Variants in TOPORS observed in about 807,000 individuals in gnomAD.
TOPORS encodes the protein E3 ubiquitin-protein ligase Topors.
TOPORS carries 25 observed loss-of-function variants against 81.4 expected under a neutral mutation model. The observed-to-expected ratio is 0.31, with a 90% CI of 0.22 to 0.43. The LOEUF is 0.43. Among genes scored for constraint, TOPORS ranks in the 20% least tolerant of loss-of-function variants. TOPORS has a pLI of 1.00. For synonymous variants in TOPORS, 473 were observed against 456.6 expected (o/e 1.04, Z -0.46); for missense variants, 1,101 against 1,267.0 (o/e 0.87, Z 1.99).
chr9:32,544,555 A>C (rs1329359604), intron 2 of TOPORS, among the ~76,000 whole-genome samples: 1 of 152,224 alleles, frequency 6.6e-6, no homozygotes, highest in African/African-American at 2.4e-5. Context: ...CCACACTACC[A>C]GCGTGACTAT....
rs1363057170 is a variant in TOPORS, at chr9:32,541,525, T to C, written c.3000A>G (p.Glu1000=). 3.7e-6 allele frequency: 6 copies of C among 1,614,104 alleles called. No homozygotes were observed. In the Admixed American group the frequency reaches 6.7e-5, roughly 18 times the overall value. The part of the protein sequence containing the change: ...ASVEQTLDVR[E]ESTFVSDLEN... ...CCAAATCAGAAACAAAGGTGCTCTC[T>C]TCTCTTACATCGAGAGTTTGTTCAA... is the stretch of plus-strand genomic sequence containing the variant. Residue 1000 remains glutamate (E), a synonymous_variant, in exon 3 of 3, where the codon GAA becomes GAG. Transcript: ENST00000360538.
chr9:32,552,174 C>CAAA (rs35415231), intron 1 of TOPORS: 7 of 496,554 alleles, frequency 1.4e-5, no homozygotes, highest in African/African-American at 7.1e-5. Context: ...CCTTAGTTGG[C>CAAA]AAAAAAAAAA....
Position 32,542,300 on chromosome 9 carries a change from T to C in TOPORS, c.2225A>G (p.Gln742Arg), listed in dbSNP as rs777099059. ...AGCATTTGTTCTTTCAGAAAAGGAC[T>C]GAACTCTAAATTCTGGACTTGAAGA... ...RQSSSPEFRV[Q>R]SFSERTNARK... The change falls in exon 3 of 3, where the codon CAG becomes CGG. Residue 742 changes from glutamine to arginine, a missense_variant. Gln to Arg is a conservative substitution (Grantham distance 43, BLOSUM62 1). Transcript: ENST00000360538. 1.2e-6 allele frequency: 2 copies of C among 1,614,076 alleles called. No homozygotes were observed. Among genetic ancestry groups the C allele is most frequent in the African/African-American group, 2.7e-5 (2 of 74,934 alleles).
chr9:32,545,916 T>C (rs902501247), intron 2 of TOPORS, among the ~76,000 whole-genome samples: 4 of 152,206 alleles, frequency 2.6e-5, no homozygotes, highest in Non-Finnish European at 4.4e-5. Flanking sequence ...AATAGACTCA[T>C]TGGCCTTAAC....
chr9:32,550,018 G>A (rs1396971896), intron 2 of TOPORS, among the ~76,000 whole-genome samples: 2 of 152,154 alleles, frequency 1.3e-5, no homozygotes, highest in Non-Finnish European at 2.9e-5. Context: ...TTAGCTGATT[G>A]TATAGCTTTC....
rs2118967582 is a variant in TOPORS, at chr9:32,542,945, C to T, written c.1580G>A (p.Ser527Asn). 1 of 1,614,126 alleles carries T rather than the reference C, an allele frequency of 6.2e-7. No homozygotes were observed. Among genetic ancestry groups the T allele is most frequent in the South Asian group, 1.1e-5 (1 of 91,070 alleles). The change falls in exon 3 of 3, where the codon AGC (serine) becomes AAC (asparagine). Residue 527 changes from serine (S) to asparagine (N), a missense_variant. Coordinates refer to ENST00000360538, the MANE Select transcript of TOPORS (RefSeq NM_005802.5). ...EQEQSYSSGD[S>N]DVSRCSSPHS... ...TGGAGATGAGCATCTACTAACATCG[C>T]TATCACCAGAACTGTAAGATTGCTC... is the stretch of plus-strand genomic sequence containing the variant.
intron 1 of TOPORS, 67 bp from the exon 2 acceptor site, chr9:32,551,035 C>G (rs1821240469): frequency 6.4e-7 from 1 of 1,554,654 alleles, no homozygotes; most frequent in Non-Finnish European, 8.7e-7. Flanking sequence ...ACCCACCCCC[C>G]AGCTCCCGCG....
intron 2 of TOPORS, among the ~76,000 whole-genome samples, chr9:32,545,115 A>G (rs1821124743): frequency 6.6e-6 from 1 of 152,252 alleles, no homozygotes; most frequent in Admixed American, 6.5e-5. Context: ...TAAATGAAAA[A>G]GCAGCCAAGA....
intron 1 of TOPORS, 82 bp downstream of exon 1, chr9:32,552,352 G>A (rs1563988349): frequency 6.4e-7 from 1 of 1,565,144 alleles, no homozygotes. Context: ...ATGGCTGCTG[G>A]CGCCTGGCAG....
chr9:32,541,671 C>T lies in TOPORS; in HGVS notation c.2854G>A (p.Val952Ile), dbSNP rs774407814. 6.2e-7 allele frequency: 1 copy of T among 1,614,180 alleles called. No individual in the cohort carries two copies. The highest frequency in any genetic ancestry group is 8.5e-7 in the Non-Finnish European group (1 of 1,180,028). ...PSLEPFETKD[V>I]VTIEAEFGVL... Reference sequence around the variant, plus strand: ...CCAAATTCAGCTTCTATTGTAACTACATCTTTAGTTTCAAATGGTTCCAAG... The same window carrying T: ...CCAAATTCAGCTTCTATTGTAACTATATCTTTAGTTTCAAATGGTTCCAAG... Residue 952 changes from valine (V) to isoleucine (I), a missense_variant, in exon 3 of 3, where the codon GTA (valine) becomes ATA (isoleucine). Around this residue, in one of 9 missense-constraint regions of TOPORS, gnomAD observed 605 missense variants for 636.1 expected, o/e 0.95. Coordinates refer to ENST00000360538, the MANE Select transcript of TOPORS (RefSeq NM_005802.5).
chr9:32,541,256 A>T lies in TOPORS; in HGVS notation c.*131T>A. ...TTTTACAAATTAACACCAAAAAAAA[A>T]ATCATTTAAAATATTGTAAGGAGGA... On this transcript the variant is annotated 3_prime_UTR_variant, in exon 3 of 3. Transcript: ENST00000360538. 1.1e-6 allele frequency: 1 copy of T among 941,896 alleles called. No individual in the cohort carries two copies. The highest frequency in any genetic ancestry group is 1.6e-6 in the Non-Finnish European group (1 of 638,216). 58.3% of individuals were successfully genotyped at this position (941,896 alleles called of 1,614,324 possible).
rs1324736376 is a variant in TOPORS at position 32,542,061 on chromosome 9, C to T, written c.2464G>A (p.Asp822Asn). Reference protein sequence around the residue: ...PSREFASKAKDSHYQKSSSKL... With the variant: ...PSREFASKAKNSHYQKSSSKL... ...GATGAAGATTTTTGGTAATGACTGT[C>T]CTTTGCTTTAGAAGCAAATTCACGA... The change falls in exon 3 of 3, where the codon GAC (aspartate) becomes AAC (asparagine). Residue 822 changes from aspartate to asparagine, a missense_variant. Physicochemically the swap from Asp to Asn is conservative, Grantham distance 23. This residue lies in a region of TOPORS where 605 missense variants were observed against 636.1 expected (regional missense o/e 0.95). Transcript: ENST00000360538. The T allele has an allele frequency of 6.2e-7, 1 of 1,614,152 alleles. No homozygotes were observed. The highest frequency in any genetic ancestry group is 2.2e-5 in the East Asian group (1 of 44,866).
chr9:32,543,137 G>C lies in TOPORS; in HGVS notation c.1388C>G (p.Thr463Ser). The change falls in exon 3 of 3, where the codon ACC becomes AGC. Residue 463 changes from threonine (T) to serine (S), a missense_variant. Coordinates refer to ENST00000360538, the MANE Select transcript of TOPORS (RefSeq NM_005802.5). The surrounding 1 kb of genome is among the most constrained non-coding windows in gnomAD (Gnocchi z 5.6). ...GATSQIQGVQTNDDLNNDSDD... is the reference protein window; with the variant it reads ...GATSQIQGVQSNDDLNNDSDD... ...ACTGTCATTATTTAGGTCGTCATTGGTTTGTACTCCTTGTATCTGAGACGT... is the reference window on the plus strand; with the variant it reads ...ACTGTCATTATTTAGGTCGTCATTGCTTTGTACTCCTTGTATCTGAGACGT... 1 of 1,614,048 alleles carries C rather than the reference G, an allele frequency of 6.2e-7. No individual in the cohort carries two copies. Among genetic ancestry groups the C allele is most frequent in the South Asian group, 1.1e-5 (1 of 91,076 alleles).
At chr9:32,547,038 A>AAAAC (rs56954545) in intron 2 of TOPORS, among the ~76,000 whole-genome samples, 19,234 of 151,046 alleles carry the variant, frequency 0.13, 1,535 homozygotes, top group Middle Eastern at 0.19. Context: ...ACCCTGTTTC[A>AAAAC]AAACAAACAA....
chr9:32,549,463 A>G (rs1436292699), intron 2 of TOPORS, among the ~76,000 whole-genome samples: 2 of 152,220 alleles, frequency 1.3e-5, no homozygotes, highest in African/African-American at 2.4e-5. Flanking sequence ...AACCTGGAGG[A>G]AGTTTTTTCT....
At chr9:32,544,826 T>C (rs144293171) in intron 2 of TOPORS, among the ~76,000 whole-genome samples, 1 of 152,270 alleles carries the variant, frequency 6.6e-6, no homozygotes, top group African/African-American at 2.4e-5. Flanking sequence ...TATCACTCTC[T>C]AGAAAACAAA....
In TOPORS at chr9:32,550,946, G is replaced by C; in HGVS notation, c.26C>G (p.Ser9Cys). 2 of 1,612,046 alleles carry C rather than the reference G, an allele frequency of 1.2e-6. No individual in the cohort carries two copies. The highest frequency in any genetic ancestry group is 1.7e-6 in the Non-Finnish European group (2 of 1,179,822). The change falls in exon 2 of 3, where the codon TCT (serine) becomes TGT (cysteine). Residue 9 changes from serine (S) to cysteine (C), a missense_variant. Ser to Cys is a moderately radical substitution (Grantham distance 112). Around this residue, in one of 9 missense-constraint regions of TOPORS, gnomAD observed 131 missense variants for 101.0 expected, o/e 1.30. Coordinates refer to ENST00000360538, the MANE Select transcript of TOPORS (RefSeq NM_005802.5). MGSQPPLG[S>C]PLSREEGEAP... ...TTCACCCTCCTCGCGAGACAGCGGA[G>C]ACCCCAGCGGCGGCTGCGACCCCTG...
At chr9:32,551,181 C>G (rs777474050) in intron 1 of TOPORS, 6 of 631,320 alleles carry the variant, frequency 9.5e-6, no homozygotes, top group Non-Finnish European at 1.7e-5. Context: ...CAGCGCGACC[C>G]TCCCCATCTT....
chr9:32,540,797 A>G lies in TOPORS; in HGVS notation c.*590T>C, dbSNP rs1223158121. On this transcript the variant is annotated 3_prime_UTR_variant, in exon 3 of 3. Transcript: ENST00000360538. Reference sequence around the variant, plus strand: ...TCTTGTTTTAAAGTGTTACTGTTTTATTTTTTTTCTTTTGTTGAATACACA... The same window carrying G: ...TCTTGTTTTAAAGTGTTACTGTTTTGTTTTTTTTCTTTTGTTGAATACACA... The G allele has an allele frequency of 6.6e-6, 1 of 152,374 alleles. No homozygotes were observed. The highest frequency in any genetic ancestry group is 2.4e-5 in the African/African-American group (1 of 41,380). The allele number at this position is 152,374 out of a possible 1,614,324, so 9.4% of individuals were successfully genotyped here.
Sources: gnomAD v4.1 joint callset for allele counts (sites outside exome capture counted in the v4.1 genomes callset) on GRCh38, gnomAD v4.1.1 for gene constraint, gnomAD v4.1.1 regional missense constraint, Gnocchi (gnomAD v3.1) non-coding constraint, MANE v1.5 for transcripts, NCBI Gene and HGNC (gene_info 2026-07-23, HGNC 2026-07-21) for gene names.